The following SMPD4 variants were observed in gnomAD, a reference collection of about 807,000 sequenced individuals.
The protein encoded by SMPD4 is sphingomyelin phosphodiesterase 4.
In SMPD4, 58 loss-of-function variants were observed where a neutral mutation model predicts 97.8. The ratio of observed to expected loss-of-function variants is 0.59; its 90% confidence interval spans 0.48 to 0.74. SMPD4 has a LOEUF of 0.74. Ranked by LOEUF, SMPD4 falls within the 30% of genes least tolerant of loss-of-function variation. The pLI, the probability that SMPD4 is intolerant of heterozygous loss-of-function variation, is 0.00. For missense variants in SMPD4, 853 were observed against 1,080.5 expected (o/e 0.79, Z 2.95); for synonymous variants, 388 against 450.0 (o/e 0.86, Z 1.74).
intron 10 of SMPD4, 152 bp downstream of exon 10, chr2:130,164,222 C>T (rs1573695217): frequency 5.8e-6 from 4 of 691,278 alleles, no homozygotes; most frequent in South Asian, 3.5e-5. Flanking sequence ...GAGAACGATG[C>T]CCACTTCTTA....
intron 9 of SMPD4, among the ~76,000 whole-genome samples, chr2:130,165,276 C>A (rs987174436): frequency 6.6e-6 from 1 of 151,996 alleles, no homozygotes; most frequent in South Asian, 2.1e-4. Context: ...ACAAAATTAG[C>A]CGGGCGTGGT....
In SMPD4 at chr2:130,153,469, A is replaced by G. The variant is rs1159925940; in HGVS notation, c.1894-19T>C. On this transcript the variant is annotated intron_variant, in intron 17 of 19. Coordinates refer to ENST00000680298, the MANE Select transcript of SMPD4 (RefSeq NM_017951.5). ...CGCTGAGCTGCCAGAGAGAAATGCCACTGCCCTCAGCATCAAGATGAAGAG... is the reference window on the plus strand; with the variant it reads ...CGCTGAGCTGCCAGAGAGAAATGCCGCTGCCCTCAGCATCAAGATGAAGAG... 1 of 1,613,210 alleles carries G rather than the reference A, an allele frequency of 6.2e-7. No homozygotes were observed. Among genetic ancestry groups the G allele is most frequent in the Admixed American group, 1.7e-5 (1 of 60,010 alleles).
intron 8 of SMPD4, among the ~76,000 whole-genome samples, chr2:130,167,913 C>A (rs1688084357): frequency 6.6e-6 from 1 of 152,188 alleles, no homozygotes; most frequent in Admixed American, 6.5e-5. Context: ...TGAGGTTGGG[C>A]ATGGGGGTTC....
chr2:130,160,030 G>GTGTTCCCATGTCCCCT (rs1451224861), intron 11 of SMPD4, among the ~76,000 whole-genome samples: 1 of 152,150 alleles, frequency 6.6e-6, no homozygotes, highest in African/African-American at 2.4e-5. Flanking sequence ...CCCCTCCTGG[G>GTGTTCCCATGTCCCCT]CCATGTTCCC....
In SMPD4 at chr2:130,157,270, G is replaced by T; in HGVS notation, c.1078C>A (p.Pro360Thr). The T allele has an allele frequency of 3.2e-6, 5 of 1,551,446 alleles. No individual in the cohort carries two copies. The highest frequency in any genetic ancestry group is 3.5e-6 in the Non-Finnish European group (4 of 1,146,966). ...SPSAHSHATS[P>T]LEEFKRAAVP... ...ACCCACCGTTTGAACTCCTCCAGGGGGCTGGTGGCGTGGGAGTGGGCGGAG... is the reference window on the plus strand; with the variant it reads ...ACCCACCGTTTGAACTCCTCCAGGGTGCTGGTGGCGTGGGAGTGGGCGGAG... The change falls in exon 12 of 20, where the codon CCC (proline) becomes ACC (threonine). Residue 360 changes from proline to threonine, a missense_variant. Around this residue, in one of 3 missense-constraint regions of SMPD4, gnomAD observed 29 missense variants for 70.2 expected, o/e 0.41. Coordinates refer to ENST00000680298, the MANE Select transcript of SMPD4 (RefSeq NM_017951.5).
intron 1 of SMPD4, among the ~76,000 whole-genome samples, chr2:130,177,527 G>A (rs1372926791): frequency 1.3e-5 from 2 of 151,860 alleles, no homozygotes; most frequent in Admixed American, 6.6e-5. Context: ...GTGAAAACCC[G>A]TCTCTACCAA....
At position 130,152,588 on chromosome 2, in the gene SMPD4, C is replaced by T; in HGVS notation, c.2451G>A (p.Leu817=). 1 of 1,549,766 alleles carries T rather than the reference C, an allele frequency of 6.5e-7. No individual in the cohort carries two copies. Residue 817 remains leucine (L), a synonymous_variant, in exon 20 of 20, where the codon CTG becomes CTA. Coordinates refer to ENST00000680298, the MANE Select transcript of SMPD4 (RefSeq NM_017951.5). ...GYVLYASAMT[L]LTERGKLHQP ...GGTGCAGCTTCCCCCGCTCGGTCAG[C>T]AGTGTCATGGCAGAGGCGTAGAGGA...
At position 130,157,262 on chromosome 2, in the gene SMPD4, C is replaced by A. The variant is rs1344606973; in HGVS notation, c.1086G>T (p.Glu362Asp). ...SAHSHATSPL[E>D]EFKRAAVPRF... ...CAAGGGCCACCCACCGTTTGAACTC[C>A]TCCAGGGGGCTGGTGGCGTGGGAGT... is the stretch of plus-strand genomic sequence containing the variant. The change falls in exon 12 of 20, where the codon GAG (glutamate) becomes GAT (aspartate). Residue 362 changes from glutamate to aspartate, a missense_variant. Physicochemically the swap from Glu to Asp is conservative, Grantham distance 45. This residue lies in a region of SMPD4 where 29 missense variants were observed against 70.2 expected (regional missense o/e 0.41). Coordinates refer to ENST00000680298, the MANE Select transcript of SMPD4 (RefSeq NM_017951.5). The A allele has an allele frequency of 2.6e-6, 4 of 1,546,448 alleles. No homozygotes were observed. The Admixed American group carries it at 7.8e-5, about 30-fold the overall frequency.
chr2:130,155,148 G>A lies in SMPD4; in HGVS notation c.1401C>T (p.Phe467=), dbSNP rs1241500244. 1 of 1,614,198 alleles carries A rather than the reference G, an allele frequency of 6.2e-7. No homozygotes were observed. Among genetic ancestry groups the A allele is most frequent in the East Asian group, 2.2e-5 (1 of 44,882 alleles). Residue 467 remains phenylalanine, a synonymous_variant, in exon 15 of 20, where the codon TTC becomes TTT. Coordinates refer to ENST00000680298, the MANE Select transcript of SMPD4 (RefSeq NM_017951.5). ...GCTGGGCAAAGACTTTGGCCACTCG[G>A]AACACCATGAGCGCGTGCTTGGGGC... The part of the protein sequence containing the change: ...LVSPKHALMV[F]RVAKVFAQPN...
In SMPD4 at chr2:130,161,107, G is replaced by A; in HGVS notation, c.951+79C>T. On this transcript the variant is annotated intron_variant, in intron 11 of 19. Transcript: ENST00000680298. ...GGAACTAGCCTCTGAGTCACCAGCG[G>A]CCGGCCCCGGCGGCCCCTTGCTTTG... 5.0e-6 allele frequency: 7 copies of A among 1,397,508 alleles called. No homozygotes were observed. The South Asian group carries it at 5.0e-5, about 10-fold the overall frequency. 86.6% of individuals were successfully genotyped at this position (1,397,508 alleles called of 1,614,324 possible). A position where few individuals can be genotyped will look rare whatever the true frequency, so the allele number is the denominator to read the frequency against.
chr2:130,177,746 G>T (rs2104923339), intron 1 of SMPD4, among the ~76,000 whole-genome samples: 1 of 151,708 alleles, frequency 6.6e-6, no homozygotes, highest in Admixed American at 6.6e-5. Flanking sequence ...GCCCATAGTG[G>T]CCAGCTTCAG....
intron 15 of SMPD4, 29 bp downstream of exon 15, chr2:130,155,067 T>C (rs1466399240): frequency 1.2e-6 from 2 of 1,612,754 alleles, no homozygotes; most frequent in African/African-American, 2.7e-5. Context: ...GGTTGACGTA[T>C]ACCGGGCTGG....
intron 1 of SMPD4, among the ~76,000 whole-genome samples, chr2:130,179,970 C>CT (rs35799674): frequency 0.016 from 2,125 of 135,750 alleles, 15 homozygotes; most frequent in Middle Eastern, 0.041. Context: ...CTTTTTTCTC[C>CT]TTTTTTTTTT....
Position 130,156,080 on chromosome 2 carries a change from T to A in SMPD4, c.1244A>T (p.Gln415Leu), listed in dbSNP as rs879234979. ...GGGCTGGGAGTCGCTGCCCGGAGCC[T>A]GCTTGTCAGGCGCGTACCGCCACGG... ...LQPWRYAPDK[Q>L]APGSDSQPRC... is the part of the protein sequence containing the mutation. The change falls in exon 14 of 20, where the codon CAG becomes CTG. Residue 415 changes from glutamine (Q) to leucine (L), a missense_variant. Transcript: ENST00000680298. 5.6e-6 allele frequency: 9 copies of A among 1,611,290 alleles called. No individual in the cohort carries two copies. The South Asian group carries it at 6.6e-5, about 12-fold the overall frequency.
intron 1 of SMPD4, chr2:130,181,288 A>C: frequency 3.6e-6 from 5 of 1,397,236 alleles, no homozygotes. Flanking sequence ...CCTTCAGCGA[A>C]CACCTACCGG....
At position 130,157,740 on chromosome 2, in the gene SMPD4, T is replaced by G. The variant is rs559245420; in HGVS notation, c.952-344A>C. 1.1e-3 allele frequency: 380 copies of G among 342,168 alleles called. 3 individuals are homozygous for G. Among genetic ancestry groups the G allele is most frequent in the South Asian group, 0.011 (371 of 34,326 alleles). 21.2% of individuals were successfully genotyped at this position (342,168 alleles called of 1,614,324 possible). A position where few individuals can be genotyped will look rare whatever the true frequency, so the allele number is the denominator to read the frequency against. ...AATCCGCAGCGGGTGGCACAGGCTG[T>G]GCCCTTGGGCGCTGGTGCCTGTCTT... On this transcript the variant is annotated intron_variant, in intron 11 of 19. Coordinates refer to ENST00000680298, the MANE Select transcript of SMPD4 (RefSeq NM_017951.5).
chr2:130,181,699 C>G (rs1310513248), upstream of SMPD4: 1 of 1,548,488 alleles, frequency 6.5e-7, no homozygotes, highest in South Asian at 1.2e-5. Flanking sequence ...AAGCGAAGGC[C>G]GGCCGGGCGG....
chr2:130,164,786 A>G (rs1414110308), intron 9 of SMPD4, among the ~76,000 whole-genome samples: 2 of 152,150 alleles, frequency 1.3e-5, no homozygotes, highest in African/African-American at 2.4e-5. Context: ...AACACTCTTG[A>G]GCATGAAAAA....
Position 130,175,020 on chromosome 2 carries a change from GA to G in SMPD4, c.40-21del. On this transcript the variant is annotated intron_variant, in intron 2 of 19. Transcript: ENST00000680298. Reference sequence around the variant, plus strand: ...GCTAGCCTAGAAGACAGAACAAAGCGAAAAAGTCACGAGGACATTCACTCTG... The same window carrying G: ...GCTAGCCTAGAAGACAGAACAAAGCGAAAAGTCACGAGGACATTCACTCTG... 2 of 1,570,722 alleles carry G rather than the reference GA, an allele frequency of 1.3e-6. No individual in the cohort carries two copies. The highest frequency in any genetic ancestry group is 1.8e-6 in the Non-Finnish European group (2 of 1,142,780).
Sources: allele counts gnomAD v4.1 joint callset (sites outside exome capture counted in the v4.1 genomes callset), GRCh38; gene constraint gnomAD v4.1.1; regional missense constraint gnomAD v4.1.1; transcripts MANE v1.5; gene names NCBI Gene and HGNC (gene_info 2026-07-23, HGNC 2026-07-21).